Variants in ELAC1 observed in about 807,000 individuals in gnomAD.
ELAC1 encodes the protein zinc phosphodiesterase ELAC protein 1.
ELAC1 carries 19 observed loss-of-function variants against 25.8 expected under a neutral mutation model. That is an observed-to-expected ratio of 0.74 (90% confidence interval 0.51 to 1.08). ELAC1 has a LOEUF of 1.08. Ranked by LOEUF, ELAC1 falls within the 50% of genes least tolerant of loss-of-function variation. The probability of loss-of-function intolerance (pLI) is 0.00; values close to 1 mark genes in which losing one functional copy is unlikely to be tolerated. For synonymous variants in ELAC1, 148 were observed against 160.9 expected (o/e 0.92, Z 0.61); for missense variants, 403 against 434.6 (o/e 0.93, Z 0.65).
intron 2 of ELAC1, among the ~76,000 whole-genome samples, chr18:50,980,450 A>C (rs1907914536): frequency 6.6e-6 from 1 of 152,118 alleles, no homozygotes; most frequent in South Asian, 2.1e-4. Context: ...TTAGTTTACT[A>C]CATTTCTATA....
rs779880681 is a variant in ELAC1, at chr18:50,984,474, G to T, written c.536G>T (p.Arg179Leu). The change falls in exon 3 of 4, where the codon CGC becomes CTC. Residue 179 changes from arginine to leucine, a missense_variant. Physicochemically the swap from Arg to Leu is moderately radical, Grantham distance 102 (BLOSUM62 -2). Coordinates refer to ENST00000269466, the MANE Select transcript of ELAC1 (RefSeq NM_018696.3). ...DDEQFVVKAF[R>L]LFHRIPSFGF... ...GAACAATTTGTTGTAAAAGCATTTC[G>T]CCTCTTTCACAGAATTCCCTCATTT... is the stretch of plus-strand genomic sequence containing the variant. The T allele has an allele frequency of 2.5e-6, 4 of 1,614,020 alleles. No homozygotes were observed. The highest frequency in any genetic ancestry group is 3.3e-5 in the Admixed American group (2 of 60,006).
chr18:50,980,194 G>A (rs1306195501), intron 2 of ELAC1, among the ~76,000 whole-genome samples: 1 of 151,954 alleles, frequency 6.6e-6, no homozygotes, highest in Non-Finnish European at 1.5e-5. Context: ...AGCCAGATGT[G>A]GTCCCAGTGG....
intron 2 of ELAC1, among the ~76,000 whole-genome samples, chr18:50,978,542 A>G (rs936819622): frequency 6.6e-6 from 1 of 152,106 alleles, no homozygotes; most frequent in South Asian, 2.1e-4. Flanking sequence ...ACCTGCTCCC[A>G]TGATTCAATT....
intron 1 of ELAC1, chr18:50,969,050 AT>A (rs1325547526): frequency 6.6e-6 from 1 of 152,228 alleles, no homozygotes. Flanking sequence ...ATAAAACACA[AT>A]AACACCTTTT....
intron 2 of ELAC1, among the ~76,000 whole-genome samples, chr18:50,979,717 T>C (rs1907890748): frequency 6.6e-6 from 1 of 151,968 alleles, no homozygotes; most frequent in Admixed American, 6.6e-5. Context: ...TTCCTTTATA[T>C]ATGATTTTCT....
chr18:50,982,128 G>A (rs1267563883), intron 2 of ELAC1, among the ~76,000 whole-genome samples: 3 of 152,168 alleles, frequency 2.0e-5, no homozygotes, highest in Admixed American at 1.3e-4. Flanking sequence ...TTACAGGCAT[G>A]AGCCATTGCA....
chr18:50,974,282 C>CCA, intron 1 of ELAC1, 115 bp from the exon 2 acceptor site: 1 of 895,196 alleles, frequency 1.1e-6, no homozygotes, highest in South Asian at 2.8e-5. Flanking sequence ...CTATGAGAGA[C>CCA]CAAGAATCCA....
In ELAC1 at chr18:50,986,702, G is replaced by C; in HGVS notation, c.709G>C (p.Asp237His). 6.2e-7 allele frequency: 1 copy of C among 1,614,152 alleles called. No individual in the cohort carries two copies. Among genetic ancestry groups the C allele is most frequent in the Non-Finnish European group, 8.5e-7 (1 of 1,180,018 alleles). ...LENGVTISPQ[D>H]VLKKPIVGRK... Reference sequence around the variant, plus strand: ...AAATGGGGTTACAATTTCTCCCCAAGATGTCTTAAAAAAGCCTATTGTTGG... The same window carrying C: ...AAATGGGGTTACAATTTCTCCCCAACATGTCTTAAAAAAGCCTATTGTTGG... Residue 237 changes from aspartate (D) to histidine (H), a missense_variant, in exon 4 of 4, where the codon GAT becomes CAT. Coordinates refer to ENST00000269466, the MANE Select transcript of ELAC1 (RefSeq NM_018696.3).
At position 50,986,702 on chromosome 18, in the gene ELAC1, G is replaced by T; in HGVS notation, c.709G>T (p.Asp237Tyr). 6.2e-7 allele frequency: 1 copy of T among 1,614,152 alleles called. No homozygotes were observed. Among genetic ancestry groups the T allele is most frequent in the Non-Finnish European group, 8.5e-7 (1 of 1,180,018 alleles). Residue 237 changes from aspartate (D) to tyrosine (Y), a missense_variant, in exon 4 of 4, where the codon GAT (aspartate) becomes TAT (tyrosine). Physicochemically the swap from Asp to Tyr is radical, Grantham distance 160 (BLOSUM62 -3). Transcript: ENST00000269466. ...AAATGGGGTTACAATTTCTCCCCAA[G>T]ATGTCTTAAAAAAGCCTATTGTTGG... ...LENGVTISPQ[D>Y]VLKKPIVGRK...
intron 3 of ELAC1, among the ~76,000 whole-genome samples, chr18:50,986,011 C>CTTTTTTTTTTTTTTTTTTTTTTTTTT (rs34348056): frequency 1.2e-5 from 1 of 85,010 alleles, no homozygotes; most frequent in African/African-American, 4.5e-5. Context: ...TTGATTATAT[C>CTTTTTTTTTTTTTTTTTTTTTTTTTT]TTTTTTTTTT....
chr18:50,970,694 C>CA (rs10643378), intron 1 of ELAC1, among the ~76,000 whole-genome samples: 11,090 of 87,880 alleles, frequency 0.13, 740 homozygotes, highest in African/African-American at 0.25. Context: ...GACACATTTC[C>CA]AAAAAAAAAA....
chr18:50,969,329 A>G (rs962581870), intron 1 of ELAC1: 32 of 152,084 alleles, frequency 2.1e-4, no homozygotes, highest in African/African-American at 7.5e-4. Flanking sequence ...TGCTTTTTCC[A>G]TCTCTGGTAT....
At chr18:50,971,033 CTAAA>C (rs1412553223) in intron 1 of ELAC1, among the ~76,000 whole-genome samples, 11 of 152,168 alleles carry the variant, frequency 7.2e-5, no homozygotes, top group African/African-American at 1.4e-4. Flanking sequence ...AGTTGATAGA[CTAAA>C]TAATAGCACA....
At chr18:50,980,763 GAA>G (rs761954317) in intron 2 of ELAC1, among the ~76,000 whole-genome samples, 7 of 67,860 alleles carry the variant, frequency 1.0e-4, no homozygotes, top group Admixed American at 3.7e-4. Flanking sequence ...ACTCCATCTC[GAA>G]AAAAAAAAAA....
At position 50,987,753 on chromosome 18, in the gene ELAC1, C is replaced by T. The variant is rs1480910255; in HGVS notation, c.*668C>T. The T allele has an allele frequency of 6.6e-6, 1 of 152,168 alleles. No homozygotes were observed. Among genetic ancestry groups the T allele is most frequent in the Non-Finnish European group, 1.5e-5 (1 of 68,026 alleles). 9.4% of individuals were successfully genotyped at this position (152,168 alleles called of 1,614,324 possible). On this transcript the variant is annotated 3_prime_UTR_variant, in exon 4 of 4. Coordinates refer to ENST00000269466, the MANE Select transcript of ELAC1 (RefSeq NM_018696.3). ...TACGGTGGTGGTAGTGGTGGTACTA[C>T]TACTACTGGTATTTAGTCAGCAGGG...
At chr18:50,984,793 G>A (rs918028706) in intron 3 of ELAC1, 8 of 573,228 alleles carry the variant, frequency 1.4e-5, no homozygotes, top group South Asian at 7.1e-5. Flanking sequence ...GTAACTGGGT[G>A]TGGTGTCATG....
intron 2 of ELAC1, among the ~76,000 whole-genome samples, chr18:50,975,824 G>C (rs1458190433): frequency 1.3e-5 from 2 of 152,138 alleles, no homozygotes; most frequent in Non-Finnish European, 2.9e-5. Context: ...TATTTTCTAA[G>C]TACTTTGGAG....
At chr18:50,976,239 A>G (rs1907793729) in intron 2 of ELAC1, among the ~76,000 whole-genome samples, 1 of 152,186 alleles carries the variant, frequency 6.6e-6, no homozygotes, top group Non-Finnish European at 1.5e-5. Context: ...GAGAGAGAGA[A>G]TAGCATCAGG....
At chr18:50,976,586 CAT>C (rs1011883413) in intron 2 of ELAC1, among the ~76,000 whole-genome samples, 3 of 152,178 alleles carry the variant, frequency 2.0e-5, no homozygotes, top group South Asian at 2.1e-4. Context: ...CCTCCCATGA[CAT>C]GTGGGGATAA....
Sources: allele counts gnomAD v4.1 joint callset (sites outside exome capture counted in the v4.1 genomes callset), GRCh38; gene constraint gnomAD v4.1.1; transcripts MANE v1.5; gene names NCBI Gene and HGNC (gene_info 2026-07-23, HGNC 2026-07-21).